Variants in FBXO41 observed in about 807,000 individuals in gnomAD.
FBXO41 encodes the protein F-box only protein 41.
Under a neutral mutation model 81.6 loss-of-function variants are expected in FBXO41, and 33 were observed. That is an observed-to-expected ratio of 0.40 (90% confidence interval 0.31 to 0.54). The LOEUF (loss-of-function observed/expected upper bound fraction) is 0.54, where lower values mean the gene tolerates loss of function less well. Among genes scored for constraint, FBXO41 ranks in the 20% least tolerant of loss-of-function variants. The pLI is 0.39. For synonymous variants in FBXO41, 576 were observed against 552.7 expected, an observed-to-expected ratio of 1.04 and a Z score of -0.59; for missense variants, 1,107 against 1,236.0, an observed-to-expected ratio of 0.90 and a Z score of 1.56.
chr2:73,272,940 C>T (rs1052333758), intron 1 of FBXO41: 1 of 152,208 alleles, frequency 6.6e-6, no homozygotes, highest in African/African-American at 2.4e-5. Flanking sequence ...CAAACATGCA[C>T]CCTTCAATGC....
intron 1 of FBXO41, among the ~76,000 whole-genome samples, chr2:73,272,006 A>G (rs1167570874): frequency 1.3e-5 from 2 of 152,228 alleles, no homozygotes; most frequent in Admixed American, 1.3e-4. Context: ...TAACCAAGAA[A>G]TTAGAATCAG....
intron 1 of FBXO41, chr2:73,271,160 C>CTAAGTTTTGCTT: frequency 2.9e-6 from 1 of 346,772 alleles, no homozygotes. Context: ...ACTTCTCCAT[C>CTAAGTTTTGCTT]CTGACCTGCC....
rs1017137864 is a variant in FBXO41, at chr2:73,269,234, C to G, written c.397G>C (p.Ala133Pro). 6.5e-7 allele frequency: 1 copy of G among 1,527,700 alleles called. No homozygotes were observed. Among genetic ancestry groups the G allele is most frequent in the Non-Finnish European group, 8.8e-7 (1 of 1,138,592 alleles). The allele number at this position is 1,527,700 out of a possible 1,614,324, so 94.6% of individuals were successfully genotyped here. The change falls in exon 2 of 13, where the codon GCC becomes CCC. Residue 133 changes from alanine to proline, a missense_variant. Physicochemically the swap from Ala to Pro is conservative, Grantham distance 27. Transcript: ENST00000520530. This position sits in a 1 kb window ranked among gnomAD's most constrained non-coding sequence, Gnocchi z 7.0. ...GCGGCGGGCACAAGGCCCGGCTCGG[C>G]CAACTCCTCACAGGGCAGGCTAGCG... ...VPASLPCEELAEPGLVPAAAA... is the reference protein window; with the variant it reads ...VPASLPCEELPEPGLVPAAAA...
At chr2:73,273,855 A>C (rs547993196) in intron 1 of FBXO41, among the ~76,000 whole-genome samples, 1 of 152,282 alleles carries the variant, frequency 6.6e-6, no homozygotes, top group East Asian at 1.9e-4. Context: ...CAGTGTCAAA[A>C]ACAAATCCCA....
chr2:73,263,632 C>A, intron 8 of FBXO41, 46 bp downstream of exon 8: 1 of 1,607,808 alleles, frequency 6.2e-7, no homozygotes. Flanking sequence ...CCGGTAGGAC[C>A]CTGGGCTTAG....
At position 73,255,183 on chromosome 2, in the gene FBXO41, C is replaced by A. The variant is rs1459097405; in HGVS notation, c.*3799G>T. 1 of 152,726 alleles carries A rather than the reference C, an allele frequency of 6.5e-6. No individual in the cohort carries two copies. Among genetic ancestry groups the A allele is most frequent in the African/African-American group, 2.4e-5 (1 of 41,472 alleles). 9.5% of individuals were successfully genotyped at this position (152,726 alleles called of 1,614,324 possible). ...GCCCAAGGCCAAGCCTCCCTTGGGCCATGCTGGCAGTGGCAGAGGAGGCTT... is the reference window on the plus strand; with the variant it reads ...GCCCAAGGCCAAGCCTCCCTTGGGCAATGCTGGCAGTGGCAGAGGAGGCTT... On this transcript the variant is annotated 3_prime_UTR_variant, in exon 13 of 13. Transcript: ENST00000520530.
rs769178187 is a variant in FBXO41 at position 73,265,344 on chromosome 2, G to A, written c.1502C>T (p.Pro501Leu). 86 of 1,611,736 alleles carry A rather than the reference G, an allele frequency of 5.3e-5. No individual in the cohort carries two copies. Among genetic ancestry groups the A allele is most frequent in the African/African-American group, 3.1e-4 (23 of 74,930 alleles). ...AGGCCCGGGGCGGGGCGCATCCAAC[G>A]GGCCCTCAGCCTCTGACTCAGTGGT... ...SRTTESEAEG[P>L]LDAPRPGPAM... The change falls in exon 5 of 13, where the codon CCG (proline) becomes CTG (leucine). Residue 501 changes from proline to leucine, a missense_variant. Physicochemically the swap from Pro to Leu is moderately conservative, Grantham distance 98. This residue lies in a region of FBXO41 where 771 missense variants were observed against 789.2 expected (regional missense o/e 0.98). Coordinates refer to ENST00000520530, the MANE Select transcript of FBXO41 (RefSeq NM_001371389.2).
rs940478960 is a variant in FBXO41 at position 73,266,046 on chromosome 2, G to C, written c.1132-80C>G. 1 of 1,268,348 alleles carries C rather than the reference G, an allele frequency of 7.9e-7. No homozygotes were observed. The highest frequency in any genetic ancestry group is 1.5e-5 in the African/African-American group (1 of 67,706). 78.6% of individuals were successfully genotyped at this position (1,268,348 alleles called of 1,614,324 possible). ...GAGCAGGAATAGCAGGGGAAACAGG[G>C]CAAAAGATGGAGAGGAGATGGGGGA... On this transcript the variant is annotated intron_variant, in intron 3 of 12. Transcript: ENST00000520530. The surrounding 1 kb of genome is among the most constrained non-coding windows in gnomAD (Gnocchi z 5.3).
chr2:73,283,891 C>T (rs1306936765), intron 1 of FBXO41, among the ~76,000 whole-genome samples: 1 of 152,124 alleles, frequency 6.6e-6, no homozygotes, highest in Non-Finnish European at 1.5e-5. Context: ...GTTCTGGAGC[C>T]CGCCCCCGCC....
chr2:73,281,221 A>G (rs1688838456), intron 1 of FBXO41, among the ~76,000 whole-genome samples: 1 of 152,226 alleles, frequency 6.6e-6, no homozygotes, highest in African/African-American at 2.4e-5. Context: ...TAGTTTAACA[A>G]TCAAAACAGT....
In FBXO41 at chr2:73,277,847, G is replaced by A. The variant is rs1322377715; in HGVS notation, c.-139+6313C>T. 2.0e-5 allele frequency among the ~76,000 whole-genome samples: 3 copies of A among 152,162 alleles called. No individual in the cohort carries two copies. The East Asian group carries it at 5.8e-4, about 29-fold the overall frequency. On this transcript the variant is annotated intron_variant, in intron 1 of 12. Transcript: ENST00000520530. ...TGATAGTCCCTGCAGTGGGCATTACGATTTTCATCTGCTCAGCAAGTCTTC... is the reference window on the plus strand; with the variant it reads ...TGATAGTCCCTGCAGTGGGCATTACAATTTTCATCTGCTCAGCAAGTCTTC...
chr2:73,265,423 G>A lies in FBXO41; in HGVS notation c.1423C>T (p.Arg475Cys), dbSNP rs202215539. Residue 475 changes from arginine (R) to cysteine (C), a missense_variant, in exon 5 of 13, where the codon CGC (arginine) becomes TGC (cysteine). By Grantham distance (180) the Arg-to-Cys change is radical. This residue lies in a region of FBXO41 where 771 missense variants were observed against 789.2 expected (regional missense o/e 0.98). Transcript: ENST00000520530. Reference protein sequence around the residue: ...QAIQNWQRRPRRHSTEGEEGD... With the variant: ...QAIQNWQRRPCRHSTEGEEGD... The stretch of plus-strand genomic sequence containing the variant: ...TCTTCCCCCTCAGTGCTGTGTCGGC[G>A]GGGTCTGCGCTGCCAGTTCTGGATG... 3.6e-4 allele frequency: 578 copies of A among 1,608,816 alleles called. No individual in the cohort carries two copies. The highest frequency in any genetic ancestry group is 4.4e-4 in the Non-Finnish European group (517 of 1,179,648).
chr2:73,284,375 A>C lies in FBXO41; in HGVS notation c.-354T>G. Reference sequence around the variant, plus strand: ...CAGTCGCAGCGGGAGGGGCGCACGAACCCGGCGGGAGGAAGGATGGAGGAG... The same window carrying C: ...CAGTCGCAGCGGGAGGGGCGCACGACCCCGGCGGGAGGAAGGATGGAGGAG... On this transcript the variant is annotated 5_prime_UTR_variant, in exon 1 of 13. Coordinates refer to ENST00000520530, the MANE Select transcript of FBXO41 (RefSeq NM_001371389.2). The surrounding 1 kb of genome is among the most constrained non-coding windows in gnomAD (Gnocchi z 7.4). 6.6e-6 allele frequency: 1 copy of C among 151,544 alleles called. No individual in the cohort carries two copies. The highest frequency in any genetic ancestry group is 1.5e-5 in the Non-Finnish European group (1 of 67,776). The allele number at this position is 151,544 out of a possible 1,614,324, so 9.4% of individuals were successfully genotyped here.
rs1468977480 is a variant in FBXO41, at chr2:73,255,458, A to G, written c.*3524T>C. ...CAAGGCTGGGTGAGAAAGCATGGCCACTGGGTTGGAGAGAAGGGCCAGGCC... is the reference window on the plus strand; with the variant it reads ...CAAGGCTGGGTGAGAAAGCATGGCCGCTGGGTTGGAGAGAAGGGCCAGGCC... On this transcript the variant is annotated 3_prime_UTR_variant, in exon 13 of 13. Coordinates refer to ENST00000520530, the MANE Select transcript of FBXO41 (RefSeq NM_001371389.2). 6.5e-6 allele frequency: 1 copy of G among 152,964 alleles called. No individual in the cohort carries two copies. The allele number at this position is 152,964 out of a possible 1,614,324, so 9.5% of individuals were successfully genotyped here. A position where few individuals can be genotyped will look rare whatever the true frequency, so the allele number is the denominator to read the frequency against.
Position 73,259,330 on chromosome 2 carries a change from G to A in FBXO41, c.2450-34C>T, listed in dbSNP as rs774545012. Reference sequence around the variant, plus strand: ...AGGTGAGCAAAGTAGGGGCGTGTTTGGCCTGGGCTGTGGAGCTGCCTCCTC... The same window carrying A: ...AGGTGAGCAAAGTAGGGGCGTGTTTAGCCTGGGCTGTGGAGCTGCCTCCTC... On this transcript the variant is annotated intron_variant, in intron 11 of 12. Coordinates refer to ENST00000520530, the MANE Select transcript of FBXO41 (RefSeq NM_001371389.2). This position sits in a 1 kb window ranked among gnomAD's most constrained non-coding sequence, Gnocchi z 4.2. 6.3e-7 allele frequency: 1 copy of A among 1,579,016 alleles called. No homozygotes were observed. The highest frequency in any genetic ancestry group is 8.7e-7 in the Non-Finnish European group (1 of 1,148,354).
Position 73,265,466 on chromosome 2 carries a change from T to A in FBXO41, c.1380A>T (p.Ser460=). 4 of 1,604,776 alleles carry A rather than the reference T, an allele frequency of 2.5e-6. No individual in the cohort carries two copies. The highest frequency in any genetic ancestry group is 3.4e-6 in the Non-Finnish European group (4 of 1,178,730). The part of the protein sequence containing the change: ...GSERSQPPRS[S]GLRRQAIQNW... ...TCTGGATGGCCTGGCGCCGCAGGCC[T>A]GAGCTGCGAGGGGGCTGGGACCGCT... The change falls in exon 5 of 13, where the codon TCA becomes TCT. Residue 460 remains serine, a synonymous_variant. Transcript: ENST00000520530.
At chr2:73,268,551 C>T (rs1160272209) in intron 2 of FBXO41, among the ~76,000 whole-genome samples, 175 bp downstream of exon 2, 1 of 152,194 alleles carries the variant, frequency 6.6e-6, no homozygotes, top group Non-Finnish European at 1.5e-5. Context: ...CATGTCCTCA[C>T]AGTACCACAT....
intron 1 of FBXO41, among the ~76,000 whole-genome samples, chr2:73,272,602 G>A (rs548933561): frequency 6.6e-6 from 1 of 152,290 alleles, no homozygotes; most frequent in South Asian, 2.1e-4. Flanking sequence ...AGGGGCAGAT[G>A]ACCTTTTGCC....
intron 1 of FBXO41, among the ~76,000 whole-genome samples, chr2:73,282,816 C>T (rs935621516): frequency 6.6e-6 from 1 of 152,216 alleles, no homozygotes; most frequent in Non-Finnish European, 1.5e-5. Flanking sequence ...GTCTCTTTCT[C>T]TGTTAAATTC....
Sources: allele counts gnomAD v4.1 joint callset (sites outside exome capture counted in the v4.1 genomes callset), GRCh38; gene constraint gnomAD v4.1.1; regional missense constraint gnomAD v4.1.1; non-coding constraint Gnocchi (gnomAD v3.1); transcripts MANE v1.5; gene names NCBI Gene and HGNC (gene_info 2026-07-23, HGNC 2026-07-21).